CACNA1A: variants seen among roughly 807,000 people sequenced by gnomAD.
CACNA1A encodes calcium voltage-gated channel subunit alpha1 A, also known as voltage-dependent P/Q-type calcium channel subunit alpha-1A.
In CACNA1A, 57 loss-of-function variants were observed where a neutral mutation model predicts 262.4. The ratio of observed to expected loss-of-function variants is 0.22; its 90% CI spans 0.18 to 0.27. The LOEUF (loss-of-function observed/expected upper bound fraction) is 0.27, where lower values mean the gene tolerates loss of function less well. Ranked by LOEUF, CACNA1A falls within the 10% of genes least tolerant of loss-of-function variation. The pLI is 1.00. For missense variants in CACNA1A, 2,526 were observed against 3,562.8 expected (o/e 0.71, Z 7.41); for synonymous variants, 1,431 against 1,419.3 (o/e 1.01, Z -0.18).
intron 44 of CACNA1A, among the ~76,000 whole-genome samples, chr19:13,209,784 C>T (rs1157018532): frequency 6.6e-6 from 1 of 152,172 alleles, no homozygotes; most frequent in East Asian, 1.9e-4. Flanking sequence ...AGATCTGATC[C>T]TCACTCTCCA....
intron 38 of CACNA1A, among the ~76,000 whole-genome samples, chr19:13,221,242 T>TTC (rs2055216048): frequency 2.9e-5 from 1 of 34,110 alleles, no homozygotes; most frequent in Admixed American, 3.7e-4. Flanking sequence ...TTCTTTTTTT[T>TTC]TTTTTTTTTG....
At chr19:13,402,999 C>A (rs565428407) in intron 3 of CACNA1A, among the ~76,000 whole-genome samples, 79 of 149,286 alleles carry the variant, frequency 5.3e-4, no homozygotes, top group Admixed American at 1.2e-3. Context: ...GCTCAAATAT[C>A]ACTTTCCCAA....
chr19:13,207,705 T>G lies in CACNA1A; in HGVS notation c.7129A>C (p.Ser2377Arg). ...TGTCGACAGGCCCTGGGGGACTCGCTCCGGGCCGGGCCTGGGACCCGCCTC... is the reference window on the plus strand; with the variant it reads ...TGTCGACAGGCCCTGGGGGACTCGCGCCGGGCCGGGCCTGGGACCCGCCTC... ...MERRVPGPAR[S>R]ESPRACRHGG... Residue 2377 changes from serine to arginine, a missense_variant, in exon 47 of 47, where the codon AGC becomes CGC. Physicochemically the swap from Ser to Arg is moderately radical, Grantham distance 110. This residue lies in a region of CACNA1A where 929 missense variants were observed against 868.1 expected (regional missense o/e 1.07). Coordinates refer to ENST00000360228, the MANE Select transcript of CACNA1A (RefSeq NM_001127222.2). The surrounding 1 kb of genome is among the most constrained non-coding windows in gnomAD (Gnocchi z 5.7). The G allele has an allele frequency of 4.4e-6, 6 of 1,367,256 alleles. No individual in the cohort carries two copies. The highest frequency in any genetic ancestry group is 5.6e-6 in the Non-Finnish European group (6 of 1,063,468). The allele number at this position is 1,367,256 out of a possible 1,614,324, so 84.7% of individuals were successfully genotyped here. A position where few individuals can be genotyped will look rare whatever the true frequency, so the allele number is the denominator to read the frequency against.
intron 25 of CACNA1A, 99 bp from the exon 26 acceptor site, chr19:13,261,709 C>T: frequency 8.4e-7 from 1 of 1,193,746 alleles, no homozygotes; most frequent in Non-Finnish European, 1.2e-6. Flanking sequence ...ATGATCATTC[C>T]CATTTTACAG....
rs4926242 is a variant in CACNA1A, at chr19:13,257,217, T to C, written c.4590+133A>G. 609,277 of 667,660 alleles carry C rather than the reference T, an allele frequency of 0.91. 278,449 individuals carry two copies. Among genetic ancestry groups the C allele is most frequent in the East Asian group, 0.99 (36,126 of 36,540 alleles). 41.4% of individuals were successfully genotyped at this position (667,660 alleles called of 1,614,324 possible). On this transcript the variant is annotated intron_variant, in intron 28 of 46. Coordinates refer to ENST00000360228, the MANE Select transcript of CACNA1A (RefSeq NM_001127222.2). ...CTCCATGAAGGGCTGCCCTGAAGAC[T>C]GGATTCGGTTGGGACAATGCTTCTG...
At chr19:13,459,147 G>C (rs1396556365) in intron 1 of CACNA1A, among the ~76,000 whole-genome samples, 3 of 152,136 alleles carry the variant, frequency 2.0e-5, no homozygotes, top group Non-Finnish European at 4.4e-5. Context: ...AGATCAATTA[G>C]TATGTCTTGG....
intron 4 of CACNA1A, among the ~76,000 whole-genome samples, chr19:13,368,401 C>T (rs867351319): frequency 6.7e-6 from 1 of 150,270 alleles, no homozygotes; most frequent in Non-Finnish European, 1.5e-5. Context: ...GGCATGATCA[C>T]GGCTCACTGC....
chr19:13,449,840 G>A (rs985371400), intron 3 of CACNA1A, among the ~76,000 whole-genome samples: 1 of 152,138 alleles, frequency 6.6e-6, no homozygotes, highest in Non-Finnish European at 1.5e-5. Flanking sequence ...GGATTAGAAA[G>A]GTTAGAAAGG....
In CACNA1A at chr19:13,323,728, C is replaced by T. The variant is rs183093004; in HGVS notation, c.1346-6407G>A. ...CTCACATTCCTTAGGTTGTCTCTTT[C>T]CTCTGCTGAACGCTTCCTTTGCTGT... On this transcript the variant is annotated intron_variant, in intron 10 of 46. Coordinates refer to ENST00000360228, the MANE Select transcript of CACNA1A (RefSeq NM_001127222.2). Among the ~76,000 whole-genome samples, 142 of 152,250 alleles carry T rather than the reference C, an allele frequency of 9.3e-4. 2 individuals are homozygous for T. The South Asian group carries it at 0.022, about 24-fold the overall frequency.
chr19:13,347,930 G>GT lies in CACNA1A; in HGVS notation c.978+11675dup, dbSNP rs202017573. Reference sequence around the variant, plus strand: ...TTATTTATTTATTTTTAATTATTAGGTTTTTTTTGAGACAGGGTCTGGTTC... The same window carrying GT: ...TTATTTATTTATTTTTAATTATTAGGTTTTTTTTTGAGACAGGGTCTGGTTC... On this transcript the variant is annotated intron_variant, in intron 6 of 46. Transcript: ENST00000360228. Among the ~76,000 whole-genome samples, 1,117 of 151,626 alleles carry GT rather than the reference G, an allele frequency of 7.4e-3. 9 individuals carry two copies. The highest frequency in any genetic ancestry group is 0.031 in the Middle Eastern group (9 of 294).
chr19:13,347,067 G>GTT (rs35913659), intron 6 of CACNA1A, among the ~76,000 whole-genome samples: 88,427 of 138,412 alleles, frequency 0.64, 28,701 homozygotes, highest in Admixed American at 0.74. Flanking sequence ...TTGTTTTTTT[G>GTT]TTTTTTTTTT....
At chr19:13,393,677 C>CTGTCTTCCTCT (rs1208195489) in intron 3 of CACNA1A, among the ~76,000 whole-genome samples, 1 of 146,570 alleles carries the variant, frequency 6.8e-6, no homozygotes, top group East Asian at 2.1e-4. Flanking sequence ...CTTTCTTTCT[C>CTGTCTTCCTCT]TTTCTTTCCT....
intron 17 of CACNA1A, among the ~76,000 whole-genome samples, chr19:13,301,395 G>A (rs1412238024): frequency 6.6e-6 from 1 of 152,198 alleles, no homozygotes; most frequent in African/African-American, 2.4e-5. Context: ...GCATCCGATG[G>A]CCCCTGCCAT....
intron 1 of CACNA1A, among the ~76,000 whole-genome samples, chr19:13,471,256 C>A (rs1342560963): frequency 6.6e-6 from 1 of 152,172 alleles, no homozygotes; most frequent in Non-Finnish European, 1.5e-5. Flanking sequence ...TTCTGAAGTT[C>A]CAAATGCATC....
At chr19:13,314,498 C>T (rs1446655457) in intron 11 of CACNA1A, among the ~76,000 whole-genome samples, 2 of 152,148 alleles carry the variant, frequency 1.3e-5, no homozygotes, top group Non-Finnish European at 1.5e-5. Context: ...GTCCCTCTTG[C>T]TCCTCCACCT....
In CACNA1A at chr19:13,232,522, G is replaced by A. The variant is rs531634632; in HGVS notation, c.5250-662C>T. On this transcript the variant is annotated intron_variant, in intron 34 of 46. Coordinates refer to ENST00000360228, the MANE Select transcript of CACNA1A (RefSeq NM_001127222.2). ...TGAGGTGGGTGGATCACGAGGTCAGGAGATTGAGACCATCCTGGCTAACAT... is the reference window on the plus strand; with the variant it reads ...TGAGGTGGGTGGATCACGAGGTCAGAAGATTGAGACCATCCTGGCTAACAT... Among the ~76,000 whole-genome samples the A allele has an allele frequency of 2.6e-3, 389 of 151,426 alleles. 2 individuals carry two copies. The highest frequency in any genetic ancestry group is 4.7e-3 in the Non-Finnish European group (320 of 67,856).
At chr19:13,215,945 G>A (rs937042004) in intron 38 of CACNA1A, among the ~76,000 whole-genome samples, 1 of 152,066 alleles carries the variant, frequency 6.6e-6, no homozygotes, top group Non-Finnish European at 1.5e-5. Context: ...TTTTGAGACA[G>A]GGTTTTGCTC....
intron 19 of CACNA1A, 64 bp downstream of exon 19, chr19:13,298,480 A>T: frequency 7.3e-7 from 1 of 1,369,876 alleles, no homozygotes; most frequent in Non-Finnish European, 1.0e-6. Context: ...AGCACGTGCT[A>T]CTTTGGCTGT....
chr19:13,432,995 T>TA (rs74522920), intron 3 of CACNA1A, among the ~76,000 whole-genome samples: 13,084 of 151,624 alleles, frequency 0.086, 590 homozygotes, highest in South Asian at 0.15. Context: ...CCCGCCTTTA[T>TA]AAAAAAACTT....
Sources: gnomAD v4.1 joint callset for allele counts (sites outside exome capture counted in the v4.1 genomes callset) on GRCh38, gnomAD v4.1.1 for gene constraint, gnomAD v4.1.1 regional missense constraint, Gnocchi (gnomAD v3.1) non-coding constraint, MANE v1.5 for transcripts, NCBI Gene and HGNC (gene_info 2026-07-23, HGNC 2026-07-21) for gene names.